MYRIP: variants seen among roughly 807,000 people sequenced by gnomAD.
The protein encoded by MYRIP is myosin VIIA and Rab interacting protein.
Under a neutral mutation model 98.0 loss-of-function variants are expected in MYRIP, and 49 were observed. The observed-to-expected ratio is 0.50, with a 90% CI of 0.40 to 0.63. MYRIP has a LOEUF of 0.63. Ranked by LOEUF, MYRIP falls within the 30% of genes least tolerant of loss-of-function variation. The pLI is 0.00. For synonymous variants in MYRIP, 404 were observed against 409.5 expected (o/e 0.99, Z 0.16); for missense variants, 1,004 against 1,058.2 (o/e 0.95, Z 0.71).
chr3:39,904,777 C>T (rs150491046), intron 2 of MYRIP, among the ~76,000 whole-genome samples: 159 of 151,528 alleles, frequency 1.0e-3, no homozygotes, highest in Non-Finnish European at 1.8e-3. Flanking sequence ...TAGGTAGTCA[C>T]AGGCCTCACT....
At chr3:40,145,754 C>A (rs372168124) in intron 3 of MYRIP, among the ~76,000 whole-genome samples, 28 of 152,278 alleles carry the variant, frequency 1.8e-4, no homozygotes, top group East Asian at 1.4e-3. Context: ...GTTTTTAATG[C>A]AGAAGAAATG....
intron 11 of MYRIP, among the ~76,000 whole-genome samples, chr3:40,210,492 C>G (rs979662117): frequency 2.6e-5 from 4 of 152,152 alleles, no homozygotes; most frequent in African/African-American, 4.8e-5. Context: ...TAGCCAACCC[C>G]TCTTTTAATC....
At chr3:40,251,611 A>G (rs1953379564) in intron 15 of MYRIP, among the ~76,000 whole-genome samples, 1 of 152,196 alleles carries the variant, frequency 6.6e-6, no homozygotes, top group South Asian at 2.1e-4. Context: ...AACCTTTTCT[A>G]TTTCAGGACT....
At chr3:40,111,595 G>A (rs1256518328) in intron 3 of MYRIP, among the ~76,000 whole-genome samples, 2 of 152,142 alleles carry the variant, frequency 1.3e-5, no homozygotes, top group Non-Finnish European at 2.9e-5. Flanking sequence ...TGCTGAAGGT[G>A]GCCAGGGACT....
intron 3 of MYRIP, among the ~76,000 whole-genome samples, chr3:40,091,705 G>A (rs1948740020): frequency 6.6e-6 from 1 of 152,112 alleles, no homozygotes; most frequent in Non-Finnish European, 1.5e-5. Flanking sequence ...CATGGCAACA[G>A]GGCATTTTGC....
intron 2 of MYRIP, among the ~76,000 whole-genome samples, chr3:40,019,832 G>T (rs1003863834): frequency 6.6e-6 from 1 of 151,650 alleles, no homozygotes; most frequent in Non-Finnish European, 1.5e-5. Flanking sequence ...ATTAATGAGA[G>T]ATACTCTACT....
intron 5 of MYRIP, among the ~76,000 whole-genome samples, chr3:40,165,176 G>T (rs773234047): frequency 1.1e-4 from 17 of 152,208 alleles, no homozygotes; most frequent in Non-Finnish European, 2.4e-4. Context: ...TCAAAACATT[G>T]GAAAGACTGT....
chr3:40,055,082 G>C (rs1417707087), intron 3 of MYRIP, among the ~76,000 whole-genome samples: 1 of 152,078 alleles, frequency 6.6e-6, no homozygotes, highest in Non-Finnish European at 1.5e-5. Context: ...TTACATGGTA[G>C]GGAAAAAATG....
chr3:40,030,555 A>C (rs1221656953), intron 2 of MYRIP, among the ~76,000 whole-genome samples: 1 of 152,206 alleles, frequency 6.6e-6, no homozygotes, highest in Non-Finnish European at 1.5e-5. Flanking sequence ...TCATCATAAT[A>C]ACCAAAAATT....
intron 3 of MYRIP, among the ~76,000 whole-genome samples, chr3:40,139,412 C>G (rs537872871): frequency 1.3e-5 from 2 of 152,272 alleles, no homozygotes; most frequent in South Asian, 4.2e-4. Flanking sequence ...TCTGTCAGTC[C>G]CGCTGCTGGC....
At chr3:40,226,498 T>C (rs981277544) in intron 11 of MYRIP, among the ~76,000 whole-genome samples, 5 of 152,236 alleles carry the variant, frequency 3.3e-5, no homozygotes, top group African/African-American at 1.2e-4. Flanking sequence ...ACTTACTTTC[T>C]GCCTCCAGTT....
chr3:39,856,077 A>C (rs1227858224), intron 1 of MYRIP, among the ~76,000 whole-genome samples: 1 of 152,104 alleles, frequency 6.6e-6, no homozygotes, highest in African/African-American at 2.4e-5. Flanking sequence ...GTAAGGTTAA[A>C]TCCTTCTTTC....
intron 16 of MYRIP, among the ~76,000 whole-genome samples, chr3:40,254,456 A>C (rs1953504073): frequency 7.2e-6 from 1 of 139,746 alleles, no homozygotes; most frequent in African/African-American, 2.7e-5. Flanking sequence ...GGGCAGGAGA[A>C]CAATCAGATA....
At chr3:39,956,643 T>A (rs1945171210) in intron 2 of MYRIP, among the ~76,000 whole-genome samples, 1 of 151,682 alleles carries the variant, frequency 6.6e-6, no homozygotes, top group Non-Finnish European at 1.5e-5. Flanking sequence ...GCAAACACAC[T>A]CAAAAGCTAG....
At chr3:40,022,028 G>A (rs78024270) in intron 2 of MYRIP, among the ~76,000 whole-genome samples, 275 of 152,336 alleles carry the variant, frequency 1.8e-3, no homozygotes, top group Non-Finnish European at 3.0e-3. Flanking sequence ...CAAATGTTCA[G>A]TTGTTTTGCC....
chr3:40,150,451 G>C (rs1366428418), intron 3 of MYRIP, among the ~76,000 whole-genome samples: 1 of 152,216 alleles, frequency 6.6e-6, no homozygotes, highest in Non-Finnish European at 1.5e-5. Context: ...TACTTTCCCA[G>C]AGTGCTTCAA....
At chr3:39,966,455 G>A (rs1369248763) in intron 2 of MYRIP, among the ~76,000 whole-genome samples, 1 of 152,198 alleles carries the variant, frequency 6.6e-6, no homozygotes, top group Non-Finnish European at 1.5e-5. Context: ...TATCCTCAGA[G>A]CATGTCTTAG....
chr3:39,925,076 G>A (rs1290047005), intron 2 of MYRIP, among the ~76,000 whole-genome samples: 1 of 151,090 alleles, frequency 6.6e-6, no homozygotes, highest in Non-Finnish European at 1.5e-5. Flanking sequence ...TAAACCCAAA[G>A]CAAGCAGAAG....
intron 3 of MYRIP, among the ~76,000 whole-genome samples, chr3:40,063,640 G>T (rs2125851122): frequency 6.6e-6 from 1 of 152,232 alleles, no homozygotes; most frequent in East Asian, 1.9e-4. Context: ...TCTTCTTGAA[G>T]CATATTTGCA....
Sources: allele counts gnomAD v4.1 joint callset (sites outside exome capture counted in the v4.1 genomes callset), GRCh38; gene constraint gnomAD v4.1.1; transcripts MANE v1.5; gene names NCBI Gene and HGNC (gene_info 2026-07-23, HGNC 2026-07-21).